Variants in TRDN observed in about 807,000 individuals in gnomAD.
TRDN encodes the protein triadin.
Under a neutral mutation model 149.7 loss-of-function variants are expected in TRDN, and 161 were observed. The ratio of observed to expected loss-of-function variants is 1.08; its 90% CI spans 0.95 to 1.23. TRDN has a LOEUF of 1.23. Ranked by LOEUF, TRDN falls within the 50% of genes most tolerant of loss-of-function variation. TRDN has a pLI of 0.00. For missense variants in TRDN, 896 were observed against 823.5 expected, an observed-to-expected ratio of 1.09 and a Z score of -1.08; for synonymous variants, 294 against 250.5, an observed-to-expected ratio of 1.17 and a Z score of -1.64.
intron 24 of TRDN, among the ~76,000 whole-genome samples, chr6:123,288,455 T>C (rs1777877577): frequency 6.6e-6 from 1 of 152,006 alleles, no homozygotes; most frequent in African/African-American, 2.4e-5. Flanking sequence ...ACCTATGGAA[T>C]GGGAGGTAAT....
intron 1 of TRDN, among the ~76,000 whole-genome samples, chr6:123,613,972 T>G (rs535086925): frequency 6.6e-6 from 1 of 152,240 alleles, no homozygotes; most frequent in South Asian, 2.1e-4. Context: ...TTCATTTCAG[T>G]TGAAACCTAG....
intron 1 of TRDN, among the ~76,000 whole-genome samples, chr6:123,585,124 C>T (rs988828854): frequency 7.0e-6 from 1 of 143,816 alleles, no homozygotes; most frequent in Admixed American, 7.2e-5. Context: ...GTAGAGGTAT[C>T]TTATACTTGT....
intron 38 of TRDN, among the ~76,000 whole-genome samples, chr6:123,245,487 A>C (rs1776139048): frequency 6.6e-6 from 1 of 152,196 alleles, no homozygotes; most frequent in Admixed American, 6.5e-5. Context: ...AAAGATGAAA[A>C]GAGACAAAGG....
intron 1 of TRDN, among the ~76,000 whole-genome samples, chr6:123,576,630 C>T (rs1234694281): frequency 6.6e-6 from 1 of 152,046 alleles, no homozygotes; most frequent in Non-Finnish European, 1.5e-5. Flanking sequence ...CTCCACCTTC[C>T]TGCCCTAATC....
intron 1 of TRDN, among the ~76,000 whole-genome samples, chr6:123,578,136 A>T (rs931385337): frequency 6.6e-6 from 1 of 152,156 alleles, no homozygotes; most frequent in African/African-American, 2.4e-5. Context: ...CTAAAGTTTA[A>T]TTAGATCTTG....
At chr6:123,221,079 T>C (rs1019590754) in intron 40 of TRDN, among the ~76,000 whole-genome samples, 5 of 151,770 alleles carry the variant, frequency 3.3e-5, no homozygotes, top group Non-Finnish European at 2.9e-5. Flanking sequence ...ATCTTAGAAG[T>C]GAGTTTCCAA....
At chr6:123,594,559 A>G (rs563225695) in intron 1 of TRDN, among the ~76,000 whole-genome samples, 1 of 152,044 alleles carries the variant, frequency 6.6e-6, no homozygotes, top group Non-Finnish European at 1.5e-5. Context: ...CTTATCCCAG[A>G]AAAAGAAAAT....
At chr6:123,591,399 C>A (rs962294856) in intron 1 of TRDN, among the ~76,000 whole-genome samples, 2 of 152,134 alleles carry the variant, frequency 1.3e-5, no homozygotes, top group African/African-American at 4.8e-5. Context: ...GCATGCCCCA[C>A]CACGCCCAGC....
Position 123,275,452 on chromosome 6 carries a change from C to T in TRDN, c.1568-782G>A, listed in dbSNP as rs78437577. The stretch of plus-strand genomic sequence containing the variant: ...AGAAGCAAACAAATATTCTCCTCTA[C>T]GGTTTTAAAAAGAAGTGTTGCTTTG... On this transcript the variant is annotated intron_variant, in intron 26 of 40. Coordinates refer to ENST00000334268, the MANE Select transcript of TRDN (RefSeq NM_006073.4). Among the ~76,000 whole-genome samples, 491 of 152,164 alleles carry T rather than the reference C, an allele frequency of 3.2e-3. 19 individuals are homozygous for T. In the East Asian group the frequency reaches 0.079, roughly 25 times the overall value.
At position 123,393,511 on chromosome 6, in the gene TRDN, G is replaced by T. The variant is rs73771940; in HGVS notation, c.1105+113C>A. 100,071 of 855,280 alleles carry T rather than the reference G, an allele frequency of 0.12. 5,800 individuals carry two copies. The highest frequency in any genetic ancestry group is 0.2 in the African/African-American group (11,215 of 55,684). 53.0% of individuals were successfully genotyped at this position (855,280 alleles called of 1,614,324 possible). On this transcript the variant is annotated intron_variant, in intron 13 of 40. Coordinates refer to ENST00000334268, the MANE Select transcript of TRDN (RefSeq NM_006073.4). ...ATTTTCATTCAACAATATTTTTTTT[G>T]CAATATCCCAGCAGATGGTGCTATT... is the stretch of plus-strand genomic sequence containing the variant.
rs541200358 is a variant in TRDN at position 123,365,660 on chromosome 6, T to C, written c.1321+475A>G. Among the ~76,000 whole-genome samples, 5 of 152,304 alleles carry C rather than the reference T, an allele frequency of 3.3e-5. No homozygotes were observed. The South Asian group carries it at 8.3e-4, about 25-fold the overall frequency. ...ACATTGGCTACATTATTGACTTCAT[T>C]TCAGACTTCCCAATATATTTCTTAA... On this transcript the variant is annotated intron_variant, in intron 20 of 40. Coordinates refer to ENST00000334268, the MANE Select transcript of TRDN (RefSeq NM_006073.4).
intron 24 of TRDN, among the ~76,000 whole-genome samples, chr6:123,304,810 T>C (rs1449322240): frequency 6.6e-6 from 1 of 152,172 alleles, no homozygotes; most frequent in African/African-American, 2.4e-5. Flanking sequence ...AAGCTGATTA[T>C]ATAACATTAA....
chr6:123,360,079 G>A (rs1371814220), intron 20 of TRDN, among the ~76,000 whole-genome samples: 3 of 152,066 alleles, frequency 2.0e-5, no homozygotes. Context: ...TGTTACATAG[G>A]TAAACGTGTG....
intron 38 of TRDN, among the ~76,000 whole-genome samples, chr6:123,241,619 A>T (rs1229805597): frequency 6.6e-6 from 1 of 151,854 alleles, no homozygotes; most frequent in Non-Finnish European, 1.5e-5. Flanking sequence ...CAAAAGTAAG[A>T]TAGAAAGAAA....
At chr6:123,298,054 T>C (rs1431500882) in intron 24 of TRDN, among the ~76,000 whole-genome samples, 2 of 152,016 alleles carry the variant, frequency 1.3e-5, no homozygotes, top group Non-Finnish European at 2.9e-5. Flanking sequence ...AACATTACAT[T>C]AATCCATGAA....
chr6:123,537,213 C>A (rs1382413971), intron 4 of TRDN, among the ~76,000 whole-genome samples: 1 of 152,116 alleles, frequency 6.6e-6, no homozygotes. Context: ...TCCCTTTGTT[C>A]TGCAGATTTA....
chr6:123,530,729 C>G (rs1198985181), intron 4 of TRDN, among the ~76,000 whole-genome samples, 164 bp from the exon 5 acceptor site: 1 of 151,772 alleles, frequency 6.6e-6, no homozygotes, highest in Non-Finnish European at 1.5e-5. Context: ...TATTGCTAAA[C>G]AAATCACTTA....
chr6:123,221,986 C>T (rs1290179744), intron 39 of TRDN, among the ~76,000 whole-genome samples: 1 of 151,706 alleles, frequency 6.6e-6, no homozygotes, highest in African/African-American at 2.4e-5. Flanking sequence ...GCCCAGTATC[C>T]TGCATTCTTC....
intron 21 of TRDN, chr6:123,349,640 T>C (rs1474955107): frequency 1.1e-6 from 1 of 932,068 alleles, no homozygotes; most frequent in East Asian, 1.2e-4. Context: ...AAATTGTTTC[T>C]GTCTTTTTTT....
Sources: allele counts gnomAD v4.1 joint callset (sites outside exome capture counted in the v4.1 genomes callset), GRCh38; gene constraint gnomAD v4.1.1; transcripts MANE v1.5; gene names NCBI Gene and HGNC (gene_info 2026-07-23, HGNC 2026-07-21).